PDE10A: variants seen among roughly 807,000 people sequenced by gnomAD.
The protein encoded by PDE10A is cAMP and cAMP-inhibited cGMP 3',5'-cyclic phosphodiesterase 10A.
In PDE10A, 39 loss-of-function variants were observed where a neutral mutation model predicts 97.7. The ratio of observed to expected loss-of-function variants is 0.40; its 90% confidence interval spans 0.31 to 0.52. The LOEUF (loss-of-function observed/expected upper bound fraction) is 0.52. Ranked by LOEUF, PDE10A falls within the 20% of genes least tolerant of loss-of-function variation. PDE10A has a pLI of 0.56. For synonymous variants in PDE10A, 371 were observed against 376.8 expected, an observed-to-expected ratio of 0.98 and a Z score of 0.18; for missense variants, 731 against 1,047.8, an observed-to-expected ratio of 0.70 and a Z score of 4.17.
intron 1 of PDE10A, among the ~76,000 whole-genome samples, chr6:165,926,800 T>A (rs970283644): frequency 1.4e-4 from 21 of 152,234 alleles, no homozygotes; most frequent in African/African-American, 4.8e-4. Context: ...CTGAAGGTAA[T>A]TCTGTTTTAT....
intron 2 of PDE10A, among the ~76,000 whole-genome samples, chr6:165,498,654 T>C (rs1443765183): frequency 6.6e-6 from 1 of 151,988 alleles, no homozygotes; most frequent in Non-Finnish European, 1.5e-5. Context: ...GTGTTAATAG[T>C]AGAAGATCTT....
At chr6:165,359,705 G>A (rs1783260428) in intron 18 of PDE10A, among the ~76,000 whole-genome samples, 1 of 152,064 alleles carries the variant, frequency 6.6e-6, no homozygotes, top group African/African-American at 2.4e-5. Context: ...TCTTGATTGT[G>A]GGTCCTATTT....
chr6:165,685,017 G>A (rs1371648331), intron 1 of PDE10A, among the ~76,000 whole-genome samples: 1 of 152,118 alleles, frequency 6.6e-6, no homozygotes, highest in Non-Finnish European at 1.5e-5. Context: ...TGTCATTTCT[G>A]AAATTATTTT....
chr6:165,534,581 A>G (rs561450919), intron 2 of PDE10A, among the ~76,000 whole-genome samples: 1 of 152,232 alleles, frequency 6.6e-6, no homozygotes, highest in South Asian at 2.1e-4. Context: ...TCTGTAATAC[A>G]TTAAAAATCC....
chr6:165,857,385 G>A (rs1341546519), intron 1 of PDE10A, among the ~76,000 whole-genome samples: 1 of 152,330 alleles, frequency 6.6e-6, no homozygotes, highest in East Asian at 1.9e-4. Context: ...CTTCCACAAT[G>A]CTCAGATTCT....
chr6:165,564,036 T>C (rs867783079), intron 1 of PDE10A, among the ~76,000 whole-genome samples: 2 of 152,332 alleles, frequency 1.3e-5, no homozygotes, highest in Middle Eastern at 3.4e-3. Context: ...AAACTATTAT[T>C]TGTGATTTCA....
Position 165,388,578 on chromosome 6 carries a change from T to C in PDE10A, c.2455-125A>G, listed in dbSNP as rs1785460497. 1 of 805,736 alleles carries C rather than the reference T, an allele frequency of 1.2e-6. No homozygotes were observed. 49.9% of individuals were successfully genotyped at this position (805,736 alleles called of 1,614,324 possible). A position where few individuals can be genotyped will look rare whatever the true frequency, so the allele number is the denominator to read the frequency against. ...ATAGCACAAATACAGCATTCTGGCA[T>C]AAAGAATCCTATACAAATAGAGCAA... is the stretch of plus-strand genomic sequence containing the variant. On this transcript the variant is annotated intron_variant, in intron 16 of 21. Transcript: ENST00000539869. This position sits in a 1 kb window ranked among gnomAD's most constrained non-coding sequence, Gnocchi z 4.0.
intron 1 of PDE10A, among the ~76,000 whole-genome samples, chr6:165,918,070 AT>A (rs1188889301): frequency 1.3e-5 from 2 of 152,276 alleles, no homozygotes; most frequent in African/African-American, 4.8e-5. Flanking sequence ...GGTATAAAAA[AT>A]ATAGAGAGTA....
intron 1 of PDE10A, among the ~76,000 whole-genome samples, chr6:165,645,772 T>C: frequency 6.9e-6 from 1 of 145,278 alleles, no homozygotes; most frequent in Non-Finnish European, 1.5e-5. Flanking sequence ...GAGAATTGCT[T>C]GAACCTGGGA....
chr6:165,860,469 C>G (rs1030569041), intron 1 of PDE10A, among the ~76,000 whole-genome samples: 4 of 151,962 alleles, frequency 2.6e-5, no homozygotes, highest in African/African-American at 9.7e-5. Context: ...AAAAACAAAA[C>G]AAAACAAACA....
intron 1 of PDE10A, among the ~76,000 whole-genome samples, chr6:165,809,921 G>A (rs1162707544): frequency 6.6e-5 from 10 of 152,158 alleles, no homozygotes; most frequent in African/African-American, 2.4e-4. Context: ...GCCCAGACCT[G>A]ACTATCTTTC....
At chr6:165,672,864 A>G (rs75171512) in intron 1 of PDE10A, among the ~76,000 whole-genome samples, 196 of 152,352 alleles carry the variant, frequency 1.3e-3, no homozygotes, top group African/African-American at 4.3e-3. Flanking sequence ...AATACCTATC[A>G]TTTTCACACC....
intron 3 of PDE10A, among the ~76,000 whole-genome samples, chr6:165,457,131 AATTTCT>A (rs1778000517): frequency 6.6e-6 from 1 of 152,220 alleles, no homozygotes; most frequent in Admixed American, 6.5e-5. Context: ...TAAAGGAATC[AATTTCT>A]ATTTAACTGA....
intron 1 of PDE10A, among the ~76,000 whole-genome samples, chr6:165,657,895 G>T (rs760581354): frequency 1.3e-5 from 2 of 152,198 alleles, no homozygotes; most frequent in Non-Finnish European, 2.9e-5. Context: ...GGCTCTGCCG[G>T]AAGAAGTCAT....
chr6:165,349,716 G>A (rs1483004035), intron 18 of PDE10A, among the ~76,000 whole-genome samples: 1 of 152,128 alleles, frequency 6.6e-6, no homozygotes, highest in Non-Finnish European at 1.5e-5. Context: ...AAATGGTTTC[G>A]TGGGCCCCCC....
At chr6:165,880,382 G>A (rs1245441117) in intron 1 of PDE10A, among the ~76,000 whole-genome samples, 1 of 152,204 alleles carries the variant, frequency 6.6e-6, no homozygotes, top group Non-Finnish European at 1.5e-5. Flanking sequence ...CAGACTGATA[G>A]AGAATTGGTA....
At chr6:165,364,336 G>A (rs1583119780) in intron 18 of PDE10A, among the ~76,000 whole-genome samples, 2 of 152,212 alleles carry the variant, frequency 1.3e-5, no homozygotes, top group African/African-American at 2.4e-5. Context: ...CAAGTGAGGT[G>A]GCAGCTAGAA....
At chr6:165,585,936 T>C (rs1785886608) in intron 1 of PDE10A, among the ~76,000 whole-genome samples, 1 of 152,138 alleles carries the variant, frequency 6.6e-6, no homozygotes, top group South Asian at 2.1e-4. Flanking sequence ...CTGCTTGCTA[T>C]GTGGACTCTT....
At chr6:165,752,129 CAAAAAAAAAAAAAA>C (rs58229023) in intron 1 of PDE10A, among the ~76,000 whole-genome samples, 51 of 66,354 alleles carry the variant, frequency 7.7e-4, no homozygotes, top group African/African-American at 2.6e-3. Flanking sequence ...GGCAACAGAG[CAAAAAAAAAAAAAA>C]AAAAAAAAAA....
Sources: gnomAD v4.1 joint callset for allele counts (sites outside exome capture counted in the v4.1 genomes callset) on GRCh38, gnomAD v4.1.1 for gene constraint, Gnocchi (gnomAD v3.1) non-coding constraint, MANE v1.5 for transcripts, NCBI Gene and HGNC (gene_info 2026-07-23, HGNC 2026-07-21) for gene names.